Variants in SPACA7 observed in about 807,000 individuals in gnomAD.
The protein encoded by SPACA7 is sperm acrosome associated 7, also known as sperm acrosome-associated protein 7.
Under a neutral mutation model 26.3 loss-of-function variants are expected in SPACA7, and 19 were observed. The observed-to-expected ratio is 0.72, with a 90% CI of 0.50 to 1.06. The LOEUF (loss-of-function observed/expected upper bound fraction) is 1.06. SPACA7 is among the 50% of genes least tolerant of loss of function. The pLI is 0.00. For missense variants in SPACA7, 211 were observed against 229.9 expected (o/e 0.92, Z 0.53); for synonymous variants, 84 against 84.5 (o/e 0.99, Z 0.04).
intron 5 of SPACA7, among the ~76,000 whole-genome samples, chr13:112,429,220 T>G (rs1876827037): frequency 1.3e-5 from 2 of 151,898 alleles, no homozygotes; most frequent in Non-Finnish European, 2.9e-5. Flanking sequence ...CTACAAAAAA[T>G]AAAATATTGG....
intron 5 of SPACA7, among the ~76,000 whole-genome samples, chr13:112,403,909 T>C (rs1885807121): frequency 6.6e-6 from 1 of 152,220 alleles, no homozygotes; most frequent in African/African-American, 2.4e-5. Context: ...CTTTTTCATA[T>C]AATAACTTCT....
At chr13:112,423,657 A>G (rs1225089181) in intron 5 of SPACA7, among the ~76,000 whole-genome samples, 1 of 152,272 alleles carries the variant, frequency 6.6e-6, no homozygotes, top group Non-Finnish European at 1.5e-5. Flanking sequence ...AGGAATGATT[A>G]TCAAGGCTAT....
At chr13:112,379,824 A>C (rs1173037644) in intron 1 of SPACA7, among the ~76,000 whole-genome samples, 1 of 152,228 alleles carries the variant, frequency 6.6e-6, no homozygotes, top group Admixed American at 6.5e-5. Context: ...TGAAGTTGTC[A>C]AAAATTATAA....
At chr13:112,384,711 A>G (rs1884418301) in intron 1 of SPACA7, among the ~76,000 whole-genome samples, 1 of 152,200 alleles carries the variant, frequency 6.6e-6, no homozygotes, top group South Asian at 2.1e-4. Context: ...GATAGAGGAC[A>G]CTTAGCTTTC....
At chr13:112,413,368 G>T (rs977250928) in intron 5 of SPACA7, among the ~76,000 whole-genome samples, 1 of 147,978 alleles carries the variant, frequency 6.8e-6, no homozygotes, top group Non-Finnish European at 1.5e-5. Context: ...TGGAAGAGTT[G>T]TTTTTTTTTT....
At chr13:112,427,219 C>G (rs111557778) in intron 5 of SPACA7, among the ~76,000 whole-genome samples, 1 of 152,186 alleles carries the variant, frequency 6.6e-6, no homozygotes, top group Non-Finnish European at 1.5e-5. Flanking sequence ...GAGCCTGCCA[C>G]GGGAACACAA....
chr13:112,379,381 C>A (rs1230784596), intron 1 of SPACA7, among the ~76,000 whole-genome samples: 1 of 152,132 alleles, frequency 6.6e-6, no homozygotes, highest in African/African-American at 2.4e-5. Flanking sequence ...CAATAATTGT[C>A]TTGAATGACA....
At chr13:112,425,770 A>T (rs1162094035) in intron 5 of SPACA7, among the ~76,000 whole-genome samples, 2 of 152,086 alleles carry the variant, frequency 1.3e-5, no homozygotes, top group African/African-American at 4.8e-5. Flanking sequence ...TGGGGGACAC[A>T]TTGTCTCTGC....
At chr13:112,415,853 G>C (rs913548498) in intron 5 of SPACA7, among the ~76,000 whole-genome samples, 1 of 152,074 alleles carries the variant, frequency 6.6e-6, no homozygotes, top group African/African-American at 2.4e-5. Flanking sequence ...GCAGGGCAGC[G>C]ATTCTCCTCT....
chr13:112,417,095 G>T (rs2182923), intron 5 of SPACA7, among the ~76,000 whole-genome samples: 99,785 of 151,898 alleles, frequency 0.66, 33,300 homozygotes, highest in African/African-American at 0.78. Context: ...AAATCTAATG[G>T]TTTTACTGGG....
chr13:112,421,253 C>T (rs1043301597), intron 5 of SPACA7, among the ~76,000 whole-genome samples: 1 of 123,906 alleles, frequency 8.1e-6, no homozygotes, highest in African/African-American at 3.2e-5. Context: ...AGTATGTCAA[C>T]AAAGCAAAAA....
intron 5 of SPACA7, among the ~76,000 whole-genome samples, chr13:112,409,402 A>T (rs1378800326): frequency 1.3e-5 from 2 of 152,178 alleles, no homozygotes; most frequent in Non-Finnish European, 2.9e-5. Context: ...GCACAGCAAA[A>T]GAAACTACCA....
intron 5 of SPACA7, among the ~76,000 whole-genome samples, chr13:112,414,209 A>G (rs574263894): frequency 1.6e-4 from 24 of 152,162 alleles, no homozygotes; most frequent in Middle Eastern, 3.4e-3. Flanking sequence ...TTCAAACTAT[A>G]TCAGCCTGTA....
Position 112,376,378 on chromosome 13 carries a change from G to C in SPACA7, c.-8G>C. On this transcript the variant is annotated 5_prime_UTR_variant, in exon 1 of 7. Transcript: ENST00000283550. ...TCAGAACGTCCTTCTCCCTCAGCTGGAGGGAGCATGGCAGTGAGCCAAGGA... is the reference window on the plus strand; with the variant it reads ...TCAGAACGTCCTTCTCCCTCAGCTGCAGGGAGCATGGCAGTGAGCCAAGGA... The C allele has an allele frequency of 6.2e-7, 1 of 1,612,582 alleles. No homozygotes were observed. The highest frequency in any genetic ancestry group is 8.5e-7 in the Non-Finnish European group (1 of 1,179,430).
intron 4 of SPACA7, 104 bp from the exon 5 acceptor site, chr13:112,400,965 A>G (rs1226284981): frequency 1.3e-6 from 1 of 796,364 alleles, no homozygotes; most frequent in South Asian, 1.7e-5. Context: ...TGAAAATGAT[A>G]TTAGCATCTC....
At chr13:112,402,532 C>A (rs1232065528) in intron 5 of SPACA7, among the ~76,000 whole-genome samples, 1 of 152,124 alleles carries the variant, frequency 6.6e-6, no homozygotes, top group East Asian at 1.9e-4. Flanking sequence ...ATGTCCCTTG[C>A]CTAATTGCAT....
At position 112,380,405 on chromosome 13, in the gene SPACA7, CAA is replaced by C. The variant is rs5806946; in HGVS notation, c.94+3947_94+3948del. On this transcript the variant is annotated intron_variant, in intron 1 of 6. Transcript: ENST00000283550. Reference sequence around the variant, plus strand: ...AGGCAACAAGAGCAAAACTCAGTCTCAAAAAAAAAAAAAAAAAAAAAACCAGA... The same window carrying C: ...AGGCAACAAGAGCAAAACTCAGTCTCAAAAAAAAAAAAAAAAAAAACCAGA... 1.4e-4 allele frequency among the ~76,000 whole-genome samples: 10 copies of C among 74,046 alleles called. No individual in the cohort carries two copies. The East Asian group carries it at 1.8e-3, about 13-fold the overall frequency. 48.6% of individuals were successfully genotyped at this position (74,046 alleles called of 152,430 possible).
At chr13:112,392,681 C>T (rs1046945500) in intron 1 of SPACA7, among the ~76,000 whole-genome samples, 1 of 152,192 alleles carries the variant, frequency 6.6e-6, no homozygotes, top group Non-Finnish European at 1.5e-5. Flanking sequence ...GCTGGGTGAG[C>T]CCAGTCATCC....
chr13:112,430,168 C>CTGTGTGTGTGTGTGTGTG (rs1471577074), intron 5 of SPACA7, among the ~76,000 whole-genome samples: 17 of 115,954 alleles, frequency 1.5e-4, no homozygotes, highest in African/African-American at 6.4e-4. Context: ...CCTTGCATCT[C>CTGTGTGTGTGTGTGTGTG]TCTCTCTGTG....
Sources: allele counts gnomAD v4.1 joint callset (sites outside exome capture counted in the v4.1 genomes callset), GRCh38; gene constraint gnomAD v4.1.1; transcripts MANE v1.5; gene names NCBI Gene and HGNC (gene_info 2026-07-23, HGNC 2026-07-21).